Variants in CHLSN observed in about 807,000 individuals in gnomAD.
CHLSN encodes protein cholesin.
At chr7:1,071,459 G>C in the CHLSN span, among the ~76,000 whole-genome samples, 1 of 152,198 alleles carries the variant, frequency 6.6e-6, no homozygotes, top group South Asian at 2.1e-4. Context: ...CTGGGCACTG[G>C]TGGGGGCAGC....
chr7:1,028,857 C>T, the CHLSN span: 3 of 789,652 alleles, frequency 3.8e-6, no homozygotes, highest in South Asian at 6.0e-5. Flanking sequence ...TCCCAGTCTG[C>T]CATCTCCCCA....
At chr7:1,022,878 G>A in the CHLSN span, 2 of 389,440 alleles carry the variant, frequency 5.1e-6, no homozygotes, top group Non-Finnish European at 1.1e-5. Flanking sequence ...GAGTCCAGGG[G>A]CTGCTACAAA....
the CHLSN span, among the ~76,000 whole-genome samples, chr7:1,060,462 C>G: frequency 6.6e-6 from 1 of 152,202 alleles, no homozygotes; most frequent in Admixed American, 6.5e-5. Context: ...CGCTGGAATT[C>G]TGAGTATGCC....
chr7:1,097,847 C>T, the CHLSN span, among the ~76,000 whole-genome samples: 1 of 152,124 alleles, frequency 6.6e-6, no homozygotes, highest in Admixed American at 6.6e-5. This position sits in a 1 kb window ranked among gnomAD's most constrained non-coding sequence, Gnocchi z 4.3. Context: ...TGAGTCTCAT[C>T]AGGAGGGAAT....
the CHLSN span, among the ~76,000 whole-genome samples, chr7:1,107,609 C>G: frequency 2.6e-5 from 4 of 152,246 alleles, no homozygotes; most frequent in African/African-American, 9.6e-5. Flanking sequence ...GGACAGGGCT[C>G]TGAACTCTTT....
At chr7:1,119,574 A>G in the CHLSN span, among the ~76,000 whole-genome samples, 2 of 152,336 alleles carry the variant, frequency 1.3e-5, no homozygotes, top group African/African-American at 4.8e-5. Context: ...TGGCGAGGAC[A>G]TGGAGAAAGT....
the CHLSN span, among the ~76,000 whole-genome samples, chr7:1,015,299 G>T: frequency 6.6e-6 from 1 of 152,146 alleles, no homozygotes; most frequent in Non-Finnish European, 1.5e-5. Context: ...CGTCCCCCGG[G>T]CATGAGAGCA....
At chr7:988,586 C>G in the CHLSN span, 1 of 1,599,416 alleles carries the variant, frequency 6.3e-7, no homozygotes. Context: ...CCCTCCCCTC[C>G]AGGAGCAGGC....
the CHLSN span, among the ~76,000 whole-genome samples, chr7:1,102,798 G>A: frequency 6.6e-6 from 1 of 152,202 alleles, no homozygotes; most frequent in Non-Finnish European, 1.5e-5. Flanking sequence ...AGTTGCACAC[G>A]GGCAAGAAAG....
the CHLSN span, among the ~76,000 whole-genome samples, chr7:1,136,111 T>C: frequency 1.3e-5 from 1 of 76,520 alleles, no homozygotes; most frequent in Non-Finnish European, 2.4e-5. Flanking sequence ...TATAAATATA[T>C]ATACATAAAT....
At chr7:996,105 G>A in the CHLSN span, among the ~76,000 whole-genome samples, 3 of 152,228 alleles carry the variant, frequency 2.0e-5, no homozygotes, top group African/African-American at 4.8e-5. Context: ...GTAGACGTCC[G>A]TGGGTCACAG....
chr7:1,090,253 G>A, the CHLSN span, among the ~76,000 whole-genome samples: 11 of 152,196 alleles, frequency 7.2e-5, no homozygotes, highest in Non-Finnish European at 1.3e-4. Flanking sequence ...GGAGCTGAGC[G>A]GCAGCCCTGG....
the CHLSN span, among the ~76,000 whole-genome samples, chr7:1,016,959 GCAGCACACGCCAGCACACAC>G: frequency 7.1e-6 from 1 of 141,778 alleles, no homozygotes; most frequent in Admixed American, 6.9e-5. Flanking sequence ...CCAGCGCACA[GCAGCACACGCCAGCACACAC>G]CAGCGCACAG....
At chr7:1,014,541 T>G in the CHLSN span, among the ~76,000 whole-genome samples, 68 of 152,350 alleles carry the variant, frequency 4.5e-4, no homozygotes, top group Admixed American at 1.6e-3. Context: ...GTGGGTAACG[T>G]GCTAGTCATA....
the CHLSN span, among the ~76,000 whole-genome samples, chr7:1,105,850 G>A: frequency 6.6e-6 from 1 of 152,164 alleles, no homozygotes; most frequent in Non-Finnish European, 1.5e-5. Flanking sequence ...TTAAAAAGAG[G>A]AGGAAAAGGC....
At chr7:1,090,850 T>G in the CHLSN span, among the ~76,000 whole-genome samples, 3 of 152,252 alleles carry the variant, frequency 2.0e-5, no homozygotes, top group African/African-American at 7.2e-5. Context: ...CCTTTCACTC[T>G]ATATTACGAA....
At chr7:1,076,398 C>T in the CHLSN span, among the ~76,000 whole-genome samples, 1 of 152,174 alleles carries the variant, frequency 6.6e-6, no homozygotes, top group Non-Finnish European at 1.5e-5. Flanking sequence ...CATGCTGCTC[C>T]GCAGGAGGCT....
chr7:1,043,282 G>A, the CHLSN span: 27,905 of 152,140 alleles, frequency 0.18, 2,813 homozygotes, highest in Admixed American at 0.22. Context: ...ACGCTAAGGC[G>A]TACTCTCACT....
the CHLSN span, among the ~76,000 whole-genome samples, chr7:985,641 GC>G: frequency 6.6e-6 from 1 of 152,092 alleles, no homozygotes; most frequent in East Asian, 1.9e-4. Flanking sequence ...CTCCATGTCT[GC>G]CCCCCAAGCC....
Sources: gnomAD v4.1 joint callset for allele counts (sites outside exome capture counted in the v4.1 genomes callset) on GRCh38, gnomAD v4.1.1 for gene constraint, Gnocchi (gnomAD v3.1) non-coding constraint, MANE v1.5 for transcripts, NCBI Gene and HGNC (gene_info 2026-07-23, HGNC 2026-07-21) for gene names.